Variants in CSMD2 observed in about 807,000 individuals in gnomAD.
CSMD2 encodes the protein CUB and Sushi multiple domains 2.
In CSMD2, 130 loss-of-function variants were observed where a neutral mutation model predicts 398.5. The ratio of observed to expected loss-of-function variants is 0.33; its 90% CI spans 0.28 to 0.38. The LOEUF is 0.38. Ranked by LOEUF, CSMD2 falls within the 10% of genes least tolerant of loss-of-function variation. The pLI, the probability that CSMD2 is intolerant of heterozygous loss-of-function variation, is 1.00. For missense variants in CSMD2, 3,829 were observed against 4,764.9 expected, an observed-to-expected ratio of 0.80 and a Z score of 5.78; for synonymous variants, 1,828 against 1,908.5, an observed-to-expected ratio of 0.96 and a Z score of 1.10.
intron 1 of CSMD2, among the ~76,000 whole-genome samples, chr1:34,107,147 A>C (rs1420316013): frequency 6.6e-6 from 1 of 152,202 alleles, no homozygotes; most frequent in Non-Finnish European, 1.5e-5. Context: ...TTTCAGAGTG[A>C]AAACAAGGAA....
intron 3 of CSMD2, among the ~76,000 whole-genome samples, chr1:33,972,072 A>C (rs1645791870): frequency 6.6e-6 from 1 of 152,184 alleles, no homozygotes; most frequent in South Asian, 2.1e-4. Context: ...AGGATGTTCC[A>C]GGCTGGGGCA....
Position 33,521,450 on chromosome 1 carries a change from A to G in CSMD2, c.10597+13T>C. ...ACCCGGGCCCACACTTCCGGGGGACAAGCACTAGTTACCCAGTCTTTGAAA... is the reference window on the plus strand; with the variant it reads ...ACCCGGGCCCACACTTCCGGGGGACGAGCACTAGTTACCCAGTCTTTGAAA... On this transcript the variant is annotated intron_variant, in intron 68 of 70. Coordinates refer to ENST00000373381, the MANE Select transcript of CSMD2 (RefSeq NM_001281956.2). The G allele has an allele frequency of 7.4e-7, 1 of 1,347,144 alleles. No homozygotes were observed. The highest frequency in any genetic ancestry group is 1.0e-6 in the Non-Finnish European group (1 of 952,492). The allele number at this position is 1,347,144 out of a possible 1,614,324, so 83.4% of individuals were successfully genotyped here.
At chr1:33,785,337 T>C (rs966792268) in intron 12 of CSMD2, among the ~76,000 whole-genome samples, 3 of 134,768 alleles carry the variant, frequency 2.2e-5, no homozygotes, top group African/African-American at 1.2e-4. Flanking sequence ...TTGGCTTCTA[T>C]TAAAGATTTT....
intron 3 of CSMD2, among the ~76,000 whole-genome samples, chr1:34,007,274 A>C (rs1179817707): frequency 6.6e-6 from 1 of 152,112 alleles, no homozygotes; most frequent in African/African-American, 2.4e-5. Context: ...GCATACAAGG[A>C]GCACTTACTC....
intron 68 of CSMD2, among the ~76,000 whole-genome samples, 170 bp from the exon 69 acceptor site, chr1:33,520,120 G>A (rs923760286): frequency 1.4e-4 from 22 of 152,150 alleles, no homozygotes; most frequent in African/African-American, 5.1e-4. Flanking sequence ...CTGCCTCCAC[G>A]TGCACACTCA....
intron 2 of CSMD2, among the ~76,000 whole-genome samples, chr1:34,034,570 CCT>C (rs1650877177): frequency 6.6e-6 from 1 of 152,022 alleles, no homozygotes; most frequent in Non-Finnish European, 1.5e-5. Flanking sequence ...GAAACAGAAC[CCT>C]GATGATGTAT....
intron 25 of CSMD2, among the ~76,000 whole-genome samples, chr1:33,678,922 AG>A (rs1157868805): frequency 6.6e-6 from 1 of 152,228 alleles, no homozygotes; most frequent in African/African-American, 2.4e-5. Flanking sequence ...AAAACGTTGC[AG>A]AATGTTCCAG....
intron 32 of CSMD2, among the ~76,000 whole-genome samples, chr1:33,631,592 A>T (rs1368132288): frequency 6.6e-6 from 1 of 152,146 alleles, no homozygotes; most frequent in African/African-American, 2.4e-5. Context: ...AAAAAGACCC[A>T]TTTACAACAG....
At position 33,718,071 on chromosome 1, in the gene CSMD2, T is replaced by C. The variant is rs1460593713; in HGVS notation, c.3002-1570A>G. 3.3e-5 allele frequency among the ~76,000 whole-genome samples: 5 copies of C among 152,280 alleles called. No individual in the cohort carries two copies. In the East Asian group the frequency reaches 9.7e-4, roughly 29 times the overall value. On this transcript the variant is annotated intron_variant, in intron 19 of 70. Transcript: ENST00000373381. The stretch of plus-strand genomic sequence containing the variant: ...ATGTTATTATCATCTCCAGTTTACA[T>C]CCAAGGAAACGGAGGCACAAAGAGA...
At chr1:33,587,213 C>G (rs748115364) in intron 44 of CSMD2, 45 bp from the exon 45 acceptor site, 40 of 1,338,136 alleles carry the variant, frequency 3.0e-5, no homozygotes, top group South Asian at 3.0e-4. Context: ...TCATCATTCT[C>G]CAGGTACACC....
At chr1:33,610,132 A>G (rs1426055292) in intron 41 of CSMD2, among the ~76,000 whole-genome samples, 1 of 152,108 alleles carries the variant, frequency 6.6e-6, no homozygotes, top group Non-Finnish European at 1.5e-5. Flanking sequence ...TGAGAAATAA[A>G]TTTCTGCTGT....
intron 12 of CSMD2, among the ~76,000 whole-genome samples, chr1:33,788,214 C>T (rs1267490109): frequency 6.6e-6 from 1 of 151,998 alleles, no homozygotes; most frequent in African/African-American, 2.4e-5. Context: ...CAGGGGAGAA[C>T]CAGGATCCCG....
chr1:33,716,768 TA>T (rs1480266991), intron 19 of CSMD2, among the ~76,000 whole-genome samples: 1 of 152,188 alleles, frequency 6.6e-6, no homozygotes, highest in African/African-American at 2.4e-5. Context: ...TCTCAAAATT[TA>T]AAAGAGAGAT....
intron 37 of CSMD2, among the ~76,000 whole-genome samples, chr1:33,619,917 C>G (rs574321978): frequency 1.2e-4 from 19 of 152,290 alleles, no homozygotes; most frequent in Admixed American, 3.3e-4. Flanking sequence ...ACAAAACTCA[C>G]TATTTAGTGC....
At chr1:33,976,549 G>A (rs1483475176) in intron 3 of CSMD2, among the ~76,000 whole-genome samples, 1 of 152,142 alleles carries the variant, frequency 6.6e-6, no homozygotes, top group Non-Finnish European at 1.5e-5. Flanking sequence ...TCAGAGCAGG[G>A]CTGTGGATCA....
At chr1:34,016,706 C>A (rs1648162393) in intron 3 of CSMD2, among the ~76,000 whole-genome samples, 1 of 152,112 alleles carries the variant, frequency 6.6e-6, no homozygotes, top group African/African-American at 2.4e-5. Flanking sequence ...CCCAAATGCC[C>A]ATCAGTGATA....
chr1:33,980,382 T>TC (rs1454131099), intron 3 of CSMD2, among the ~76,000 whole-genome samples: 9 of 152,124 alleles, frequency 5.9e-5, no homozygotes, highest in African/African-American at 1.9e-4. Context: ...CCTAACAGGT[T>TC]TCCTAGTAGG....
At chr1:33,541,399 A>C in intron 58 of CSMD2, 90 bp from the exon 59 acceptor site, 1 of 955,548 alleles carries the variant, frequency 1.0e-6, no homozygotes, top group Non-Finnish European at 1.6e-6. Context: ...GCATGCATCC[A>C]AGAAGGGAAA....
intron 9 of CSMD2, among the ~76,000 whole-genome samples, chr1:33,818,871 T>C (rs989801180): frequency 3.4e-4 from 52 of 152,370 alleles, no homozygotes; most frequent in African/African-American, 1.2e-3. Context: ...GCATGAATTT[T>C]ATCTTGATGC....
Sources: gnomAD v4.1 joint callset for allele counts (sites outside exome capture counted in the v4.1 genomes callset) on GRCh38, gnomAD v4.1.1 for gene constraint, MANE v1.5 for transcripts, NCBI Gene and HGNC (gene_info 2026-07-23, HGNC 2026-07-21) for gene names.